The following DNAJC3 variants were observed in gnomAD, a reference collection of about 807,000 sequenced individuals.
DNAJC3 encodes the protein DnaJ heat shock protein family (Hsp40) member C3, also known as dnaJ homolog subfamily C member 3.
A neutral mutation model predicts 68.6 loss-of-function variants in DNAJC3; 38 were observed. The observed-to-expected ratio is 0.55, with a 90% CI of 0.43 to 0.73. The LOEUF is 0.73. Ranked by LOEUF, DNAJC3 falls within the 30% of genes least tolerant of loss-of-function variation. The pLI is 0.00. For missense variants in DNAJC3, 526 were observed against 591.9 expected (o/e 0.89, Z 1.16); for synonymous variants, 203 against 204.0 (o/e 1.00, Z 0.04).
At chr13:95,704,851 G>GGTTTTTTTTTTTTTTTTTTTTTT (rs1880679714) in intron 1 of DNAJC3, among the ~76,000 whole-genome samples, 4 of 97,860 alleles carry the variant, frequency 4.1e-5, no homozygotes, top group African/African-American at 1.2e-4. Context: ...GTGTGTGTGT[G>GGTTTTTTTTTTTTTTTTTTTTTT]TTTTTTTTTT....
chr13:95,727,443 G>A (rs190690348), intron 4 of DNAJC3, among the ~76,000 whole-genome samples: 27 of 152,260 alleles, frequency 1.8e-4, no homozygotes, highest in African/African-American at 6.3e-4. Flanking sequence ...CTTGTAGAGT[G>A]TTCTTAAAGC....
intron 2 of DNAJC3, among the ~76,000 whole-genome samples, chr13:95,716,614 C>T (rs1332198477): frequency 6.6e-6 from 1 of 152,076 alleles, no homozygotes. Context: ...GATAGGGAGC[C>T]GGAAGTGGGG....
chr13:95,678,830 C>G (rs1276466196), intron 1 of DNAJC3, among the ~76,000 whole-genome samples: 5 of 152,088 alleles, frequency 3.3e-5, no homozygotes, highest in African/African-American at 1.2e-4. Context: ...GGACTCTTAA[C>G]TCTTCATTTC....
intron 1 of DNAJC3, among the ~76,000 whole-genome samples, chr13:95,706,441 C>A (rs1419298684): frequency 6.6e-6 from 1 of 152,218 alleles, no homozygotes; most frequent in East Asian, 1.9e-4. Context: ...CATACATGTT[C>A]TGTGGGATTG....
At position 95,786,072 on chromosome 13, in the gene DNAJC3, G is replaced by A. The variant is rs1186645910; in HGVS notation, c.1208+1G>A. ...ATTATAAAATCTTGGGAGTAAAAAG[G>A]TGAATTATTAATTTAAAATTTACTT... On this transcript the variant is annotated splice_donor_variant, in intron 10 of 11. Transcript: ENST00000602402. LOFTEE classifies it high-confidence loss of function. 6.3e-7 allele frequency: 1 copy of A among 1,592,860 alleles called. No homozygotes were observed. Among genetic ancestry groups the A allele is most frequent in the East Asian group, 2.2e-5 (1 of 44,466 alleles).
At chr13:95,713,817 G>A (rs925240971) in intron 2 of DNAJC3, among the ~76,000 whole-genome samples, 4 of 152,296 alleles carry the variant, frequency 2.6e-5, no homozygotes, top group South Asian at 2.1e-4. Context: ...TGAGAGCAGA[G>A]AGCCTGCTAG....
At chr13:95,789,796 C>T (rs1301688239) in intron 11 of DNAJC3, among the ~76,000 whole-genome samples, 1 of 152,146 alleles carries the variant, frequency 6.6e-6, no homozygotes, top group Non-Finnish European at 1.5e-5. Context: ...TCACCACAAC[C>T]TTGGCAGCAT....
intron 1 of DNAJC3, among the ~76,000 whole-genome samples, chr13:95,684,322 A>G (rs72636525): frequency 9.8e-5 from 15 of 152,300 alleles, no homozygotes; most frequent in South Asian, 8.3e-4. Flanking sequence ...CCCCTGGTCT[A>G]TGGATCTGTG....
intron 1 of DNAJC3, among the ~76,000 whole-genome samples, chr13:95,680,138 A>T (rs990564829): frequency 1.3e-5 from 2 of 152,224 alleles, no homozygotes; most frequent in Non-Finnish European, 2.9e-5. Context: ...CATGTTACAG[A>T]TAAGGAAGTT....
chr13:95,755,593 C>T (rs2139671070), intron 4 of DNAJC3, among the ~76,000 whole-genome samples: 1 of 151,354 alleles, frequency 6.6e-6, no homozygotes, highest in South Asian at 2.1e-4. Flanking sequence ...ACCATCTCTA[C>T]TAAAAATACA....
At chr13:95,773,631 G>A (rs925003903) in intron 9 of DNAJC3, among the ~76,000 whole-genome samples, 1 of 151,210 alleles carries the variant, frequency 6.6e-6, no homozygotes, top group East Asian at 1.9e-4. Flanking sequence ...TGTCTATAAG[G>A]TCTGTAAGAT....
intron 1 of DNAJC3, among the ~76,000 whole-genome samples, chr13:95,700,827 C>G (rs1197592771): frequency 6.6e-6 from 1 of 152,156 alleles, no homozygotes; most frequent in African/African-American, 2.4e-5. Context: ...ATGTCATCAT[C>G]ATGTTGCCTG....
intron 1 of DNAJC3, among the ~76,000 whole-genome samples, chr13:95,692,366 TG>T (rs939499487): frequency 2.0e-5 from 3 of 152,026 alleles, no homozygotes; most frequent in Admixed American, 1.3e-4. Context: ...GTGTTGTCAG[TG>T]GGGGGGTTGG....
intron 4 of DNAJC3, chr13:95,745,432 G>T (rs1013168978): frequency 6.6e-6 from 1 of 152,208 alleles, no homozygotes; most frequent in African/African-American, 2.4e-5. Flanking sequence ...ACATATGCCT[G>T]TAATAAGAAC....
chr13:95,766,901 C>T (rs1182604318), intron 9 of DNAJC3, among the ~76,000 whole-genome samples: 1 of 152,032 alleles, frequency 6.6e-6, no homozygotes, highest in Non-Finnish European at 1.5e-5. Flanking sequence ...AGGGTTTCAC[C>T]ATGTTGGCCA....
At chr13:95,695,531 T>G (rs1880413448) in intron 1 of DNAJC3, 1 of 152,236 alleles carries the variant, frequency 6.6e-6, no homozygotes. Context: ...GCCCATTAAG[T>G]CAATGCCTGT....
intron 4 of DNAJC3, among the ~76,000 whole-genome samples, chr13:95,738,576 C>A (rs1444493533): frequency 1.3e-5 from 2 of 152,062 alleles, no homozygotes; most frequent in African/African-American, 2.4e-5. Flanking sequence ...ACCATTATGT[C>A]ATGGCCTTCT....
At chr13:95,719,304 G>T (rs747984788) in intron 2 of DNAJC3, among the ~76,000 whole-genome samples, 13 of 152,232 alleles carry the variant, frequency 8.5e-5, no homozygotes, top group East Asian at 3.9e-4. Context: ...TGTCCTTTTA[G>T]GTTTTTGTGT....
intron 4 of DNAJC3, among the ~76,000 whole-genome samples, chr13:95,743,931 T>C (rs1044862871): frequency 6.6e-6 from 1 of 152,202 alleles, no homozygotes; most frequent in African/African-American, 2.4e-5. Context: ...TTTGTCAAAA[T>C]TGTTTTAGAT....
Sources: allele counts gnomAD v4.1 joint callset (sites outside exome capture counted in the v4.1 genomes callset), GRCh38; gene constraint gnomAD v4.1.1; transcripts MANE v1.5; gene names NCBI Gene and HGNC (gene_info 2026-07-23, HGNC 2026-07-21).